The following CRTC3 variants were observed in gnomAD, a reference collection of about 807,000 sequenced individuals.
The protein encoded by CRTC3 is CREB regulated transcription coactivator 3, also known as CREB-regulated transcription coactivator 3.
Under a neutral mutation model 74.5 loss-of-function variants are expected in CRTC3, and 26 were observed. The observed-to-expected ratio is 0.35, with a 90% CI of 0.26 to 0.48. The LOEUF (loss-of-function observed/expected upper bound fraction) is 0.48, where lower values mean the gene tolerates loss of function less well. Among genes scored for constraint, CRTC3 ranks in the 20% least tolerant of loss-of-function variants. CRTC3 has a pLI of 0.99. For synonymous variants in CRTC3, 377 were observed against 325.8 expected (o/e 1.16, Z -1.69); for missense variants, 760 against 787.3 (o/e 0.97, Z 0.41).
chr15:90,610,829 TC>T (rs1484972686), intron 6 of CRTC3, among the ~76,000 whole-genome samples: 1 of 152,146 alleles, frequency 6.6e-6, no homozygotes, highest in Non-Finnish European at 1.5e-5. Flanking sequence ...GGTGGTCTCT[TC>T]CTTTCAGGGA....
chr15:90,623,652 T>C (rs891545824), intron 9 of CRTC3, among the ~76,000 whole-genome samples: 1 of 151,998 alleles, frequency 6.6e-6, no homozygotes, highest in Non-Finnish European at 1.5e-5. Flanking sequence ...CAAGACCCCT[T>C]CCCCAAGTCT....
intron 2 of CRTC3, among the ~76,000 whole-genome samples, chr15:90,577,267 G>C (rs1379003300): frequency 6.6e-6 from 1 of 152,178 alleles, no homozygotes; most frequent in African/African-American, 2.4e-5. Context: ...AGCTAATAGA[G>C]GAGAGGAGGA....
chr15:90,596,931 C>A (rs1290219504), intron 3 of CRTC3, among the ~76,000 whole-genome samples: 1 of 152,250 alleles, frequency 6.6e-6, no homozygotes, highest in Non-Finnish European at 1.5e-5. Flanking sequence ...TTTAAGGGTT[C>A]ACTCCTATGA....
intron 7 of CRTC3, among the ~76,000 whole-genome samples, chr15:90,615,057 C>T (rs373098280): frequency 1.7e-4 from 26 of 148,992 alleles, no homozygotes; most frequent in South Asian, 8.3e-4. Context: ...AGCGAGACTC[C>T]GTCTAAAAAT....
At chr15:90,631,019 C>T (rs1969019114) in intron 11 of CRTC3, among the ~76,000 whole-genome samples, 1 of 134,970 alleles carries the variant, frequency 7.4e-6, no homozygotes, top group African/African-American at 2.7e-5. Flanking sequence ...CCTCATGATC[C>T]ACCCGCCTCG....
chr15:90,551,192 ATAAGGATC>A (rs1966855517), intron 2 of CRTC3, among the ~76,000 whole-genome samples: 1 of 152,208 alleles, frequency 6.6e-6, no homozygotes, highest in Non-Finnish European at 1.5e-5. Context: ...AGAGTTGTTC[ATAAGGATC>A]TAATGAATGC....
At chr15:90,599,547 T>C (rs1309888354) in intron 3 of CRTC3, 2 of 152,192 alleles carry the variant, frequency 1.3e-5, no homozygotes, top group African/African-American at 4.8e-5. Context: ...TAAGTATAAG[T>C]GTATAACATG....
intron 2 of CRTC3, among the ~76,000 whole-genome samples, chr15:90,576,377 C>T (rs1967404299): frequency 6.6e-6 from 1 of 152,124 alleles, no homozygotes; most frequent in Middle Eastern, 3.4e-3. Flanking sequence ...GTTAGGCCGT[C>T]GAGTGGCGCC....
intron 2 of CRTC3, among the ~76,000 whole-genome samples, chr15:90,571,506 A>G (rs1967264358): frequency 6.6e-6 from 1 of 152,160 alleles, no homozygotes; most frequent in Non-Finnish European, 1.5e-5. Context: ...CTGGAGCTTG[A>G]AGTAGGAACC....
chr15:90,612,244 A>G (rs1968381050), intron 6 of CRTC3, among the ~76,000 whole-genome samples: 1 of 151,966 alleles, frequency 6.6e-6, no homozygotes, highest in African/African-American at 2.4e-5. Flanking sequence ...TAGCAGTGTG[A>G]TCTTGGGGAT....
chr15:90,613,561 T>C (rs937397641), intron 6 of CRTC3: 1 of 152,270 alleles, frequency 6.6e-6, no homozygotes, highest in Non-Finnish European at 1.5e-5. Context: ...ATGCAGAAAC[T>C]TATTAAATAT....
At chr15:90,629,640 C>T (rs1055267255) in intron 11 of CRTC3, 108 bp downstream of exon 11, 23 of 1,104,210 alleles carry the variant, frequency 2.1e-5, no homozygotes, top group Admixed American at 1.5e-4. Context: ...TTACACCAAG[C>T]ACCCATGAGG....
intron 1 of CRTC3, among the ~76,000 whole-genome samples, chr15:90,532,712 A>G (rs756089093): frequency 6.2e-4 from 95 of 152,202 alleles, no homozygotes; most frequent in Non-Finnish European, 1.3e-3. Context: ...GTCCGGCATT[A>G]TCAGGAAGCA....
chr15:90,633,721 T>C (rs1969126860), intron 11 of CRTC3, among the ~76,000 whole-genome samples: 1 of 152,156 alleles, frequency 6.6e-6, no homozygotes, highest in Admixed American at 6.5e-5. Flanking sequence ...TCTCTGGAAC[T>C]CTACGAATGT....
chr15:90,625,754 T>C (rs774098850), intron 9 of CRTC3, 22 bp from the exon 10 acceptor site: 2 of 1,592,298 alleles, frequency 1.3e-6, no homozygotes, highest in Non-Finnish European at 8.6e-7. Flanking sequence ...TAGAAAGTCA[T>C]TCTTAATCTT....
intron 11 of CRTC3, chr15:90,638,229 G>A (rs1283598056): frequency 2.0e-6 from 1 of 494,644 alleles, no homozygotes; most frequent in Non-Finnish European, 3.6e-6. Context: ...GTTCTTTTAA[G>A]ACAATAGAAC....
chr15:90,574,889 G>T (rs142025441), intron 2 of CRTC3, among the ~76,000 whole-genome samples: 2 of 152,022 alleles, frequency 1.3e-5, no homozygotes, highest in African/African-American at 4.8e-5. Flanking sequence ...TCTTTTGTGT[G>T]GTTGATCTTT....
intron 2 of CRTC3, among the ~76,000 whole-genome samples, chr15:90,562,526 C>T (rs1379906225): frequency 6.6e-6 from 1 of 152,156 alleles, no homozygotes; most frequent in East Asian, 1.9e-4. Context: ...TTGTTTTTCT[C>T]AGTCTGGATA....
At position 90,598,272 on chromosome 15, in the gene CRTC3, G is replaced by A. The variant is rs1026068692; in HGVS notation, c.352-4052G>A. 5 of 600,668 alleles carry A rather than the reference G, an allele frequency of 8.3e-6. No homozygotes were observed. The East Asian group carries it at 8.4e-5, about 10-fold the overall frequency. 37.2% of individuals were successfully genotyped at this position (600,668 alleles called of 1,614,324 possible). A position where few individuals can be genotyped will look rare whatever the true frequency, so the allele number is the denominator to read the frequency against. On this transcript the variant is annotated intron_variant, in intron 3 of 14. Coordinates refer to ENST00000268184, the MANE Select transcript of CRTC3 (RefSeq NM_022769.5). ...AGGGAACCCTGGGCCTGCTCACCCA[G>A]CCGCAGGTCAAGCAGCACAAAGAAA...
Sources: gnomAD v4.1 joint callset for allele counts (sites outside exome capture counted in the v4.1 genomes callset) on GRCh38, gnomAD v4.1.1 for gene constraint, MANE v1.5 for transcripts, NCBI Gene and HGNC (gene_info 2026-07-23, HGNC 2026-07-21) for gene names.